Variants in IL34 observed in about 807,000 individuals in gnomAD.
IL34 encodes interleukin 34, also known as interleukin-34.
Under a neutral mutation model 25.3 loss-of-function variants are expected in IL34, and 17 were observed. The ratio of observed to expected loss-of-function variants is 0.67; its 90% CI spans 0.46 to 1.01. The LOEUF is 1.01. Among genes scored for constraint, IL34 ranks in the 50% least tolerant of loss-of-function variants. The pLI is 0.00. For synonymous variants in IL34, 174 were observed against 140.9 expected, an observed-to-expected ratio of 1.23 and a Z score of -1.66; for missense variants, 368 against 312.9, an observed-to-expected ratio of 1.18 and a Z score of -1.33.
intron 1 of IL34, among the ~76,000 whole-genome samples, chr16:70,584,931 C>T (rs1316348307): frequency 6.6e-6 from 1 of 152,106 alleles, no homozygotes; most frequent in Non-Finnish European, 1.5e-5. Flanking sequence ...GAACTCCTGA[C>T]CTCAGGCAAT....
intron 1 of IL34, among the ~76,000 whole-genome samples, chr16:70,630,556 CCCTCT>C (rs1033218970): frequency 5.3e-5 from 8 of 151,582 alleles, no homozygotes; most frequent in Non-Finnish European, 1.2e-4. Context: ...CTCTCCCCTC[CCCTCT>C]CCTCTCCTCT....
At chr16:70,608,128 T>C (rs868641770) in intron 1 of IL34, among the ~76,000 whole-genome samples, 3,771 of 129,120 alleles carry the variant, frequency 0.029, 105 homozygotes, top group East Asian at 0.16. Context: ...TCTTTTTTCT[T>C]TTTTTTTTTT....
intron 1 of IL34, among the ~76,000 whole-genome samples, chr16:70,587,553 G>A (rs1363475304): frequency 6.6e-6 from 1 of 152,000 alleles, no homozygotes; most frequent in Non-Finnish European, 1.5e-5. Context: ...TTACAGGTGT[G>A]AGCCACCGCG....
At chr16:70,640,665 T>C (rs1354809790) in intron 1 of IL34, among the ~76,000 whole-genome samples, 1 of 152,038 alleles carries the variant, frequency 6.6e-6, no homozygotes, top group Non-Finnish European at 1.5e-5. Context: ...ATATATATAT[T>C]TCAATCAATT....
intron 1 of IL34, among the ~76,000 whole-genome samples, chr16:70,620,205 A>G (rs1475576116): frequency 6.6e-6 from 1 of 152,108 alleles, no homozygotes; most frequent in African/African-American, 2.4e-5. Flanking sequence ...TTGACCTTTT[A>G]GGGTCTAGGG....
intron 1 of IL34, among the ~76,000 whole-genome samples, chr16:70,611,269 G>T (rs112807301): frequency 7.9e-5 from 12 of 152,230 alleles, no homozygotes; most frequent in African/African-American, 2.9e-4. Flanking sequence ...AGGAAGGGTT[G>T]GTGCCCCCAG....
intron 1 of IL34, among the ~76,000 whole-genome samples, chr16:70,609,113 C>T (rs528571067): frequency 4.6e-5 from 7 of 151,708 alleles, no homozygotes; most frequent in African/African-American, 7.3e-5. Context: ...AATCTTGCTC[C>T]GTCGCCCAGG....
At position 70,646,870 on chromosome 16, in the gene IL34, T is replaced by C; in HGVS notation, c.-78T>C. The C allele has an allele frequency of 7.3e-7, 1 of 1,364,952 alleles. No individual in the cohort carries two copies. The allele number at this position is 1,364,952 out of a possible 1,614,324, so 84.6% of individuals were successfully genotyped here. A position where few individuals can be genotyped will look rare whatever the true frequency, so the allele number is the denominator to read the frequency against. ...GACCACCTCTGCTGCCCCGAGGCCA[T>C]GTAGGCCGTGCTTAGGCCTCTGTGG... On this transcript the variant is annotated 5_prime_UTR_variant, in exon 1 of 6. An upstream start codon of the reference 5' UTR is lost. Transcript: ENST00000288098.
intron 1 of IL34, among the ~76,000 whole-genome samples, chr16:70,647,666 A>C (rs1349469712): frequency 6.6e-6 from 1 of 152,160 alleles, no homozygotes; most frequent in Non-Finnish European, 1.5e-5. Context: ...CCATGACAAC[A>C]AGGACCTTGC....
At position 70,658,659 on chromosome 16, in the gene IL34, C is replaced by A. The variant is rs369980239; in HGVS notation, c.403-959C>A. Among the ~76,000 whole-genome samples, 6 of 150,600 alleles carry A rather than the reference C, an allele frequency of 4.0e-5. No homozygotes were observed. The South Asian group carries it at 8.5e-4, about 21-fold the overall frequency. On this transcript the variant is annotated intron_variant, in intron 4 of 5. Transcript: ENST00000288098. The stretch of plus-strand genomic sequence containing the variant: ...ACCACACCTGTATTTTTAGTAGAGA[C>A]GGGGTTCTGCCATGTTGGTTAGGCT...
intron 1 of IL34, among the ~76,000 whole-genome samples, chr16:70,609,204 A>G (rs974013421): frequency 2.0e-5 from 3 of 152,138 alleles, no homozygotes; most frequent in African/African-American, 7.2e-5. Flanking sequence ...TCAGCCTTCC[A>G]TGTAGCTGGG....
intron 1 of IL34, among the ~76,000 whole-genome samples, chr16:70,628,934 T>C (rs2051457880): frequency 6.6e-6 from 1 of 152,046 alleles, no homozygotes; most frequent in Non-Finnish European, 1.5e-5. Context: ...ACAGCAAGCA[T>C]GTACCATTGT....
At chr16:70,642,740 CACAA>C (rs1190813004), upstream of IL34, among the ~76,000 whole-genome samples, 3 of 152,184 alleles carry the variant, frequency 2.0e-5, no homozygotes, top group Non-Finnish European at 4.4e-5. Context: ...TTTGGAGAGA[CACAA>C]ACATTCAGTT....
intron 1 of IL34, among the ~76,000 whole-genome samples, chr16:70,609,072 GTTTA>G: frequency 6.6e-6 from 1 of 152,006 alleles, no homozygotes; most frequent in African/African-American, 2.4e-5. Context: ...TAAAAATTAT[GTTTA>G]TTTATTATTA....
At chr16:70,603,442 G>C (rs1359298583) in intron 1 of IL34, among the ~76,000 whole-genome samples, 2 of 152,060 alleles carry the variant, frequency 1.3e-5, no homozygotes, top group South Asian at 2.1e-4. Flanking sequence ...ACCACGCCCA[G>C]TAAATTTTGT....
At chr16:70,644,870 T>G (rs1221201641), upstream of IL34, among the ~76,000 whole-genome samples, 578 of 58,788 alleles carry the variant, frequency 9.8e-3, no homozygotes, top group East Asian at 0.015. Context: ...GAGGAGGAAG[T>G]AGGAAGAGGA....
Position 70,646,983 on chromosome 16 carries a change from C to A in IL34, c.28+8C>A. 1.4e-6 allele frequency: 2 copies of A among 1,454,852 alleles called. No individual in the cohort carries two copies. The highest frequency in any genetic ancestry group is 1.5e-5 in the African/African-American group (1 of 66,408). 90.1% of individuals were successfully genotyped at this position (1,454,852 alleles called of 1,614,324 possible). On this transcript the variant is annotated splice_region_variant and intron_variant, in intron 1 of 5. Coordinates refer to ENST00000288098, the MANE Select transcript of IL34 (RefSeq NM_001393494.1). ...GCTTCACCTGGCTGCGCTGTGAGTA[C>A]TGGGGGGTCCCTAGGGACCTGCATT...
chr16:70,646,646 C>T lies in IL34; in HGVS notation c.-302C>T, dbSNP rs528327996. On this transcript the variant is annotated 5_prime_UTR_variant, in exon 1 of 6. Coordinates refer to ENST00000288098, the MANE Select transcript of IL34 (RefSeq NM_001393494.1). ...GCCTGCCAGGGACTCTCTCCTCCTG[C>T]TCCTTGGAAAGGAAGACCCCGAAAG... 50 of 415,992 alleles carry T rather than the reference C, an allele frequency of 1.2e-4. No homozygotes were observed. Among genetic ancestry groups the T allele is most frequent in the Non-Finnish European group, 1.9e-4 (44 of 236,832 alleles). The allele number at this position is 415,992 out of a possible 1,614,324, so 25.8% of individuals were successfully genotyped here. A position where few individuals can be genotyped will look rare whatever the true frequency, so the allele number is the denominator to read the frequency against.
intron 1 of IL34, among the ~76,000 whole-genome samples, chr16:70,600,578 A>G (rs576081385): frequency 1.4e-4 from 21 of 152,330 alleles, no homozygotes; most frequent in African/African-American, 5.1e-4. Context: ...CTATCTTAGC[A>G]TCCCCTCTGA....
Sources: allele counts gnomAD v4.1 joint callset (sites outside exome capture counted in the v4.1 genomes callset), GRCh38; gene constraint gnomAD v4.1.1; transcripts MANE v1.5; gene names NCBI Gene and HGNC (gene_info 2026-07-23, HGNC 2026-07-21).